MCTP1: variants seen among roughly 807,000 people sequenced by gnomAD.
MCTP1 encodes the protein multiple C2 and transmembrane domain-containing protein 1.
A neutral mutation model predicts 120.6 loss-of-function variants in MCTP1; 69 were observed. The observed-to-expected ratio is 0.57, with a 90% CI of 0.47 to 0.70. The LOEUF (loss-of-function observed/expected upper bound fraction) is 0.70, where lower values mean the gene tolerates loss of function less well. Among genes scored for constraint, MCTP1 ranks in the 30% least tolerant of loss-of-function variants. The pLI, the probability that MCTP1 is intolerant of heterozygous loss-of-function variation, is 0.00. For synonymous variants in MCTP1, 529 were observed against 493.1 expected (o/e 1.07, Z -0.96); for missense variants, 1,203 against 1,248.8 (o/e 0.96, Z 0.55).
At chr5:95,024,239 G>T in intron 1 of MCTP1, 1 of 259,732 alleles carries the variant, frequency 3.9e-6, no homozygotes, top group Non-Finnish European at 7.8e-6. Context: ...CAGGTCTTAT[G>T]CTTAAGTCTT....
At chr5:94,965,962 C>T (rs1294472552) in intron 2 of MCTP1, among the ~76,000 whole-genome samples, 2 of 152,146 alleles carry the variant, frequency 1.3e-5, no homozygotes, top group Non-Finnish European at 2.9e-5. Context: ...CCGGCCGGTG[C>T]TTGGACTTCC....
intron 1 of MCTP1, among the ~76,000 whole-genome samples, chr5:95,234,745 A>G (rs1312979590): frequency 6.6e-6 from 1 of 152,232 alleles, no homozygotes; most frequent in Admixed American, 6.5e-5. Context: ...TAGAAGATAT[A>G]GACAAATTCC....
At chr5:95,181,485 C>G (rs1339712919) in intron 1 of MCTP1, among the ~76,000 whole-genome samples, 16 of 152,294 alleles carry the variant, frequency 1.1e-4, no homozygotes, top group Admixed American at 3.3e-4. Context: ...TCCATGATGA[C>G]TTTATATAAA....
At chr5:94,786,305 G>C (rs551228346) in intron 18 of MCTP1, among the ~76,000 whole-genome samples, 1 of 152,068 alleles carries the variant, frequency 6.6e-6, no homozygotes. Flanking sequence ...AGGACATTAT[G>C]TCAGAGAATT....
intron 1 of MCTP1, among the ~76,000 whole-genome samples, chr5:95,248,720 T>A (rs1405661413): frequency 1.3e-5 from 2 of 152,170 alleles, no homozygotes; most frequent in Non-Finnish European, 2.9e-5. Context: ...AAGACAATCC[T>A]AAGCAAAAAG....
chr5:94,996,168 C>A (rs1180165604), intron 2 of MCTP1, among the ~76,000 whole-genome samples: 1 of 151,962 alleles, frequency 6.6e-6, no homozygotes, highest in Non-Finnish European at 1.5e-5. Context: ...TCATGTAAAT[C>A]AAATTTATTT....
At chr5:95,151,225 C>A (rs970743607) in intron 1 of MCTP1, among the ~76,000 whole-genome samples, 4 of 151,128 alleles carry the variant, frequency 2.6e-5, no homozygotes, top group Non-Finnish European at 4.4e-5. Context: ...CTCAGGCAAT[C>A]TGTCAGCTTT....
chr5:94,768,237 A>G (rs977633609), intron 19 of MCTP1, among the ~76,000 whole-genome samples: 1 of 152,208 alleles, frequency 6.6e-6, no homozygotes, highest in Non-Finnish European at 1.5e-5. Flanking sequence ...CTATCTCACC[A>G]TACACAAAAA....
chr5:95,045,556 C>A (rs1466920730), intron 1 of MCTP1, among the ~76,000 whole-genome samples: 3 of 152,098 alleles, frequency 2.0e-5, no homozygotes, highest in Non-Finnish European at 4.4e-5. Context: ...AAGAAGGGAA[C>A]AAAAGCCTAG....
At chr5:95,194,389 AC>A (rs1750155334) in intron 1 of MCTP1, among the ~76,000 whole-genome samples, 1 of 152,182 alleles carries the variant, frequency 6.6e-6, no homozygotes. Flanking sequence ...TGGAAAAATT[AC>A]CTGCCATGGT....
chr5:95,079,809 A>G (rs1285395717), intron 1 of MCTP1, among the ~76,000 whole-genome samples: 1 of 152,030 alleles, frequency 6.6e-6, no homozygotes, highest in South Asian at 2.1e-4. Context: ...TCACCAGCAC[A>G]AGAAAACTTT....
chr5:95,124,680 A>C (rs184646683), intron 1 of MCTP1, among the ~76,000 whole-genome samples: 105 of 152,336 alleles, frequency 6.9e-4, no homozygotes, highest in Non-Finnish European at 1.0e-3. Flanking sequence ...AGAAAAGCAT[A>C]ATTCCTACGT....
intron 1 of MCTP1, among the ~76,000 whole-genome samples, chr5:95,077,779 T>C (rs374960176): frequency 2.1e-4 from 32 of 152,284 alleles, no homozygotes; most frequent in African/African-American, 6.3e-4. Flanking sequence ...GCCAGTTCGT[T>C]ATATATAATT....
At chr5:94,750,368 C>A (rs908375732) in intron 19 of MCTP1, among the ~76,000 whole-genome samples, 6 of 152,174 alleles carry the variant, frequency 3.9e-5, no homozygotes, top group Admixed American at 1.3e-4. Context: ...TATTCTCATT[C>A]TCTCCTTTCA....
At chr5:95,166,636 C>G (rs1293786065) in intron 1 of MCTP1, among the ~76,000 whole-genome samples, 1 of 145,810 alleles carries the variant, frequency 6.9e-6, no homozygotes, top group Non-Finnish European at 1.5e-5. Flanking sequence ...GGCACGATCT[C>G]GGCTCACTGC....
chr5:94,748,442 G>T (rs1179638230), intron 19 of MCTP1, among the ~76,000 whole-genome samples: 1 of 152,142 alleles, frequency 6.6e-6, no homozygotes, highest in Admixed American at 6.5e-5. Flanking sequence ...TAGTTTACCA[G>T]GAAACATTTT....
At chr5:94,870,143 A>G (rs887218925) in intron 16 of MCTP1, among the ~76,000 whole-genome samples, 1 of 152,140 alleles carries the variant, frequency 6.6e-6, no homozygotes, top group Non-Finnish European at 1.5e-5. Flanking sequence ...GCATGAATAC[A>G]TATCCATTAT....
At chr5:94,957,888 AG>A (rs200744884) in intron 2 of MCTP1, among the ~76,000 whole-genome samples, 53 of 152,380 alleles carry the variant, frequency 3.5e-4, no homozygotes, top group African/African-American at 1.3e-3. Flanking sequence ...AAGGATATTC[AG>A]GACTTGAACT....
At chr5:94,873,308 T>C (rs1382471912) in intron 12 of MCTP1, 67 bp from the exon 13 acceptor site, 4 of 865,374 alleles carry the variant, frequency 4.6e-6, no homozygotes, top group Non-Finnish European at 7.4e-6. Flanking sequence ...GTCAAGATCA[T>C]GACCATATCT....
Sources: gnomAD v4.1 joint callset for allele counts (sites outside exome capture counted in the v4.1 genomes callset) on GRCh38, gnomAD v4.1.1 for gene constraint, MANE v1.5 for transcripts, NCBI Gene and HGNC (gene_info 2026-07-23, HGNC 2026-07-21) for gene names.